Variants in MED23 observed in about 807,000 individuals in gnomAD.
The protein encoded by MED23 is mediator of RNA polymerase II transcription subunit 23.
MED23 carries 105 observed loss-of-function variants against 163.9 expected under a neutral mutation model. That is an observed-to-expected ratio of 0.64 (90% CI 0.55 to 0.75). MED23 has a LOEUF of 0.75. MED23 is among the 30% of genes least tolerant of loss of function. The pLI is 0.00. For synonymous variants in MED23, 561 were observed against 565.6 expected (o/e 0.99, Z 0.12); for missense variants, 1,054 against 1,649.0 (o/e 0.64, Z 6.25).
chr6:131,624,888 A>C lies in MED23; in HGVS notation c.261T>G (p.Val87=). 3 of 1,613,994 alleles carry C rather than the reference A, an allele frequency of 1.9e-6. No homozygotes were observed. The highest frequency in any genetic ancestry group is 2.5e-6 in the Non-Finnish European group (3 of 1,179,996). The change falls in exon 4 of 29, where the codon GTT becomes GTG. Residue 87 remains valine (V), a synonymous_variant. Transcript: ENST00000368068. ...SFLYDCLAMA[V]ETGLLPPRLV... ...ACCTGGGTGGAAGGAGACCAGTCTCAACTGCCATTGCTAAGCAGTCATAAA... is the reference window on the plus strand; with the variant it reads ...ACCTGGGTGGAAGGAGACCAGTCTCCACTGCCATTGCTAAGCAGTCATAAA...
chr6:131,583,714 A>T, downstream of MED23: 1 of 1,606,550 alleles, frequency 6.2e-7, no homozygotes, highest in Admixed American at 1.7e-5. Context: ...TATTTTATAA[A>T]TTACATTATT....
rs1774457564 is a variant in MED23, at chr6:131,589,803, C to A, written c.3808-207G>T. Among the ~76,000 whole-genome samples the A allele has an allele frequency of 2.0e-5, 3 of 152,266 alleles. No homozygotes were observed. The South Asian group carries it at 6.2e-4, about 32-fold the overall frequency. On this transcript the variant is annotated intron_variant, in intron 27 of 28. Coordinates refer to ENST00000368068, the MANE Select transcript of MED23 (RefSeq NM_004830.4). ...CTATAGTGCTACAAAATGCCCCTGA[C>A]AAGGCTTAAATAAAATTTCTCTTCA...
At chr6:131,594,489 T>A (rs927193258) in intron 22 of MED23, among the ~76,000 whole-genome samples, 154 bp from the exon 23 acceptor site, 2 of 152,218 alleles carry the variant, frequency 1.3e-5, no homozygotes, top group Admixed American at 1.3e-4. Context: ...AATATTTTAA[T>A]CTGAGGAGAG....
chr6:131,588,249 C>A (rs1405547889), intron 28 of MED23, among the ~76,000 whole-genome samples: 1 of 152,184 alleles, frequency 6.6e-6, no homozygotes, highest in Non-Finnish European at 1.5e-5. Flanking sequence ...TTTACAGAAG[C>A]ATGAAGCATA....
At position 131,581,225 on chromosome 6, in the gene MED23, A is replaced by T. The variant is rs995938048; in HGVS notation, c.4095+6484T>A. The T allele has an allele frequency of 5.6e-6, 9 of 1,613,758 alleles. No homozygotes were observed. The highest frequency in any genetic ancestry group is 7.6e-6 in the Non-Finnish European group (9 of 1,179,786). ...AAAATTTTTTCCCCAAAAGTTTGGC[A>T]ATTGGAAGCATCTCTGGCCATGCCA... is the stretch of plus-strand genomic sequence containing the variant. On this transcript the variant is annotated intron_variant, in intron 30 of 30. Coordinates refer to the MED23 transcript ENST00000354577.
chr6:131,597,683 A>G (rs932650676), intron 20 of MED23, among the ~76,000 whole-genome samples: 1 of 152,098 alleles, frequency 6.6e-6, no homozygotes, highest in Non-Finnish European at 1.5e-5. Flanking sequence ...CTAATTGCTC[A>G]TATTTTCAAA....
chr6:131,591,846 A>T, intron 25 of MED23: 1 of 303,952 alleles, frequency 3.3e-6, no homozygotes, highest in South Asian at 4.3e-5. Context: ...CTTTAAAAAA[A>T]TATGTGTGGA....
intron 16 of MED23, 87 bp downstream of exon 16, chr6:131,602,943 T>C (rs771765766): frequency 2.5e-5 from 33 of 1,313,420 alleles, no homozygotes; most frequent in Non-Finnish European, 3.5e-5. Flanking sequence ...AAAAAAAAAC[T>C]ATAAGGTAAA....
Position 131,610,109 on chromosome 6 carries a change from G to A in MED23, c.1014C>T (p.Leu338=), listed in dbSNP as rs1324985851. ...QLLWQHLSSQ[L]IFFVLFQFAS... is the part of the protein sequence containing the mutation. ...CAAACTGGAAAAGCACAAAGAAAAT[G>A]AGCTGACTTGAGAGATGCTGCCACA... is the stretch of plus-strand genomic sequence containing the variant. Residue 338 remains leucine, a synonymous_variant, in exon 11 of 29, where the codon CTC becomes CTT. Coordinates refer to ENST00000368068, the MANE Select transcript of MED23 (RefSeq NM_004830.4). The A allele has an allele frequency of 1.2e-6, 2 of 1,614,002 alleles. No homozygotes were observed. The highest frequency in any genetic ancestry group is 1.1e-5 in the South Asian group (1 of 91,074).
At chr6:131,583,755 A>T, downstream of MED23, 1 of 1,613,966 alleles carries the variant, frequency 6.2e-7, no homozygotes, top group Non-Finnish European at 8.5e-7. Context: ...TACTCTCAGG[A>T]TTAGATATAA....
At chr6:131,579,141 C>T (rs1242421631) in intron 30 of MED23, 10 of 1,613,924 alleles carry the variant, frequency 6.2e-6, no homozygotes, top group Admixed American at 1.7e-5. Flanking sequence ...GGGGACCTGC[C>T]CTTTGCTGAC....
At chr6:131,610,718 T>G (rs897557572) in intron 10 of MED23, among the ~76,000 whole-genome samples, 5 of 152,186 alleles carry the variant, frequency 3.3e-5, no homozygotes, top group African/African-American at 1.2e-4. Context: ...AAGTAACCCC[T>G]ATAAGTTTAC....
rs765497983 is a variant in MED23 at position 131,598,627 on chromosome 6, G to T, written c.2355C>A (p.Ser785=). Residue 785 remains serine (S), a synonymous_variant, in exon 19 of 29, where the codon TCC becomes TCA. Transcript: ENST00000368068. This position sits in a 1 kb window ranked among gnomAD's most constrained non-coding sequence, Gnocchi z 4.7. ...AGAGAAGACAAAGAAAGAGAGGAGG[G>T]GAGCCCTGCATAGAGAAGTGGGTAA... The part of the protein sequence containing the change: ...DIITHFSMQG[S]PPLFLCLLWK... 1.2e-6 allele frequency: 2 copies of T among 1,614,100 alleles called. No individual in the cohort carries two copies. The highest frequency in any genetic ancestry group is 4.5e-5 in the East Asian group (2 of 44,874).
downstream of MED23, chr6:131,586,650 T>C (rs892977889): frequency 1.2e-5 from 11 of 915,212 alleles, no homozygotes; most frequent in African/African-American, 6.9e-5. Context: ...AACTGTAGTG[T>C]AGGAACCACA....
chr6:131,610,698 CTTTAT>C (rs1443140977), intron 10 of MED23, among the ~76,000 whole-genome samples: 1 of 152,126 alleles, frequency 6.6e-6, no homozygotes, highest in Non-Finnish European at 1.5e-5. Context: ...ATGTGAATCT[CTTTAT>C]TTTAAAGTAA....
intron 20 of MED23, among the ~76,000 whole-genome samples, chr6:131,597,290 C>T (rs1775119182): frequency 6.6e-6 from 1 of 151,826 alleles, no homozygotes; most frequent in Admixed American, 6.6e-5. Context: ...TCCTGGCTAA[C>T]ACGGTGAAAC....
Position 131,596,182 on chromosome 6 carries a change from G to C in MED23, c.2779-19C>G. On this transcript the variant is annotated intron_variant, in intron 21 of 28. Coordinates refer to ENST00000368068, the MANE Select transcript of MED23 (RefSeq NM_004830.4). Reference sequence around the variant, plus strand: ...GATATTTCTGTGGAATTGAGAAGATGATAAATGGTTAGAGCATTTTTTAAA... The same window carrying C: ...GATATTTCTGTGGAATTGAGAAGATCATAAATGGTTAGAGCATTTTTTAAA... 6.2e-7 allele frequency: 1 copy of C among 1,602,944 alleles called. No homozygotes were observed. The highest frequency in any genetic ancestry group is 8.5e-7 in the Non-Finnish European group (1 of 1,169,900).
chr6:131,623,144 C>T (rs1777230989), intron 5 of MED23, among the ~76,000 whole-genome samples: 1 of 152,116 alleles, frequency 6.6e-6, no homozygotes, highest in African/African-American at 2.4e-5. Flanking sequence ...GTATCAGCTA[C>T]CTGTATTTAT....
At chr6:131,591,245 T>G (rs928458296) in intron 26 of MED23, 68 bp downstream of exon 26, 5 of 1,256,812 alleles carry the variant, frequency 4.0e-6, no homozygotes, top group Non-Finnish European at 5.8e-6. Flanking sequence ...CCCAAAGTGC[T>G]GGGATTACAG....
Sources: gnomAD v4.1 joint callset for allele counts (sites outside exome capture counted in the v4.1 genomes callset) on GRCh38, gnomAD v4.1.1 for gene constraint, Gnocchi (gnomAD v3.1) non-coding constraint, MANE v1.5 for transcripts, NCBI Gene and HGNC (gene_info 2026-07-23, HGNC 2026-07-21) for gene names.